SCYL2: variants seen among roughly 807,000 people sequenced by gnomAD.
SCYL2 encodes the protein SCY1-like protein 2.
A neutral mutation model predicts 100.4 loss-of-function variants in SCYL2; 36 were observed. That is an observed-to-expected ratio of 0.36 (90% confidence interval 0.27 to 0.47). SCYL2 has a LOEUF of 0.47. Ranked by LOEUF, SCYL2 falls within the 20% of genes least tolerant of loss-of-function variation. The pLI, the probability that SCYL2 is intolerant of heterozygous loss-of-function variation, is 1.00. For synonymous variants in SCYL2, 330 were observed against 359.2 expected (o/e 0.92, Z 0.92); for missense variants, 902 against 1,083.9 (o/e 0.83, Z 2.36).
At chr12:100,294,065 T>TGGCCGG (rs1274376624) in intron 3 of SCYL2, among the ~76,000 whole-genome samples, 4 of 149,954 alleles carry the variant, frequency 2.7e-5, no homozygotes, top group Admixed American at 1.3e-4. Context: ...GACGGGGTGG[T>TGGCCGG]GGCCGGGCAG....
At chr12:100,294,395 C>T (rs1271218552) in intron 3 of SCYL2, among the ~76,000 whole-genome samples, 10 of 118,362 alleles carry the variant, frequency 8.4e-5, no homozygotes, top group South Asian at 3.1e-4. Context: ...GACCCCCCCA[C>T]CTCCCTCCCG....
chr12:100,302,722 A>T (rs1434114499), intron 4 of SCYL2, among the ~76,000 whole-genome samples: 2 of 152,062 alleles, frequency 1.3e-5, no homozygotes, highest in South Asian at 4.1e-4. Context: ...TCTGATAATT[A>T]TGTGTCTTGA....
chr12:100,282,319 C>CTTTTTTTTTT (rs1180915936), intron 1 of SCYL2, among the ~76,000 whole-genome samples: 12 of 85,606 alleles, frequency 1.4e-4, no homozygotes, highest in Non-Finnish European at 1.8e-4. Context: ...CACTTTTAGT[C>CTTTTTTTTTT]TTTTTTTTTT....
Position 100,338,458 on chromosome 12 carries a change from G to T in SCYL2, c.2146-70G>T, listed in dbSNP as rs573368626. 7 of 1,286,184 alleles carry T rather than the reference G, an allele frequency of 5.4e-6. No homozygotes were observed. In the Admixed American group the frequency reaches 9.2e-5, roughly 17 times the overall value. 79.7% of individuals were successfully genotyped at this position (1,286,184 alleles called of 1,614,324 possible). ...TAACTTGTCCTTTATAATTTAATCT[G>T]TCAAATGTTTACTAATTATAAAGTA... On this transcript the variant is annotated intron_variant, in intron 17 of 17. Coordinates refer to ENST00000360820, the MANE Select transcript of SCYL2 (RefSeq NM_017988.6).
chr12:100,323,579 A>G lies in SCYL2; in HGVS notation c.1450A>G (p.Met484Val), dbSNP rs1481708103. ...TFANLIDYPSMKNALIPRIKN... is the reference protein window; with the variant it reads ...TFANLIDYPSVKNALIPRIKN... ...TGCAAATCTTATAGACTACCCATCC[A>G]TGAAAAACGCTTTGATACCAAGAAT... The change falls in exon 11 of 18, where the codon ATG (methionine) becomes GTG (valine). Residue 484 changes from methionine (M) to valine (V), a missense_variant. Met to Val is a conservative substitution (Grantham distance 21). Transcript: ENST00000360820. 1 of 1,607,780 alleles carries G rather than the reference A, an allele frequency of 6.2e-7. No individual in the cohort carries two copies. The highest frequency in any genetic ancestry group is 2.2e-5 in the East Asian group (1 of 44,644).
chr12:100,331,720 T>A (rs1161774356), intron 13 of SCYL2, among the ~76,000 whole-genome samples: 1 of 152,184 alleles, frequency 6.6e-6, no homozygotes, highest in Non-Finnish European at 1.5e-5. Context: ...TTCTTGTATT[T>A]TACAGTAGTT....
At chr12:100,325,902 T>A (rs1239100533) in intron 11 of SCYL2, among the ~76,000 whole-genome samples, 3 of 152,120 alleles carry the variant, frequency 2.0e-5, no homozygotes, top group East Asian at 3.8e-4. Flanking sequence ...GAAATGGAAA[T>A]TTTTCCCCAT....
At chr12:100,294,444 C>T (rs1274951677) in intron 3 of SCYL2, among the ~76,000 whole-genome samples, 5 of 113,554 alleles carry the variant, frequency 4.4e-5, no homozygotes, top group Non-Finnish European at 5.6e-5. Flanking sequence ...TCCTCACTTC[C>T]CAGTAGGGGC....
intron 13 of SCYL2, among the ~76,000 whole-genome samples, chr12:100,331,453 A>G (rs768900166): frequency 4.6e-5 from 7 of 152,248 alleles, no homozygotes; most frequent in South Asian, 2.1e-4. Context: ...ACAAAAATAC[A>G]AAAATTAGCC....
intron 1 of SCYL2, among the ~76,000 whole-genome samples, chr12:100,268,183 ATTTT>A (rs1234615029): frequency 5.3e-5 from 8 of 152,314 alleles, no homozygotes; most frequent in African/African-American, 1.9e-4. Flanking sequence ...GGTGTCAACT[ATTTT>A]TTAGTACGTC....
chr12:100,284,694 C>T (rs1010815842), intron 2 of SCYL2, among the ~76,000 whole-genome samples: 6 of 152,128 alleles, frequency 3.9e-5, no homozygotes, highest in South Asian at 2.1e-4. Flanking sequence ...AACTCCTGAC[C>T]TCAAGTGATC....
intron 1 of SCYL2, among the ~76,000 whole-genome samples, chr12:100,274,184 G>A (rs879874540): frequency 1.6e-4 from 25 of 152,240 alleles, no homozygotes; most frequent in Admixed American, 1.5e-3. Context: ...GTATAATTTC[G>A]TTAATAGAGA....
rs1180881643 is a variant in SCYL2, at chr12:100,295,018, C to T, written c.336-3013C>T. Among the ~76,000 whole-genome samples, 633 of 149,052 alleles carry T rather than the reference C, an allele frequency of 4.2e-3. 8 individuals carry two copies. Among genetic ancestry groups the T allele is most frequent in the African/African-American group, 0.015 (608 of 40,392 alleles). On this transcript the variant is annotated intron_variant, in intron 3 of 17. Coordinates refer to ENST00000360820, the MANE Select transcript of SCYL2 (RefSeq NM_017988.6). ...GCAGAGACGCTCCTCACCTCCCAGA[C>T]GGGGTCGCGGCCGGGCAGAGGCGCT...
intron 4 of SCYL2, among the ~76,000 whole-genome samples, chr12:100,301,373 G>C (rs140874760): frequency 7.9e-5 from 12 of 151,908 alleles, no homozygotes; most frequent in African/African-American, 2.9e-4. Context: ...GGAGTTGTTT[G>C]AACTTCTTAT....
chr12:100,288,037 G>A (rs1213622496), intron 2 of SCYL2, among the ~76,000 whole-genome samples: 1 of 152,168 alleles, frequency 6.6e-6, no homozygotes, highest in East Asian at 1.9e-4. Flanking sequence ...AGCAGAGTGG[G>A]TAGTATAGAA....
At chr12:100,288,614 T>C (rs1434367517) in intron 2 of SCYL2, among the ~76,000 whole-genome samples, 2 of 152,030 alleles carry the variant, frequency 1.3e-5, no homozygotes, top group Non-Finnish European at 2.9e-5. Context: ...GGTGGGAGGA[T>C]TGCTTGAGTC....
intron 4 of SCYL2, among the ~76,000 whole-genome samples, chr12:100,299,487 C>T (rs536363251): frequency 1.3e-5 from 2 of 152,266 alleles, no homozygotes; most frequent in African/African-American, 2.4e-5. Flanking sequence ...CAAGAGCTTC[C>T]TCATACTCCT....
chr12:100,287,697 T>C (rs2096305921), intron 2 of SCYL2, among the ~76,000 whole-genome samples: 1 of 152,240 alleles, frequency 6.6e-6, no homozygotes, highest in Admixed American at 6.5e-5. Context: ...AATAATTTTT[T>C]GTATTAAAAA....
intron 3 of SCYL2, among the ~76,000 whole-genome samples, chr12:100,295,111 A>G (rs540108663): frequency 4.0e-5 from 6 of 151,262 alleles, no homozygotes; most frequent in Non-Finnish European, 8.8e-5. Context: ...GCGGCCGGGC[A>G]GAGACGCTCT....
Sources: allele counts gnomAD v4.1 joint callset (sites outside exome capture counted in the v4.1 genomes callset), GRCh38; gene constraint gnomAD v4.1.1; transcripts MANE v1.5; gene names NCBI Gene and HGNC (gene_info 2026-07-23, HGNC 2026-07-21).